SPTBN1: variants seen among roughly 807,000 people sequenced by gnomAD.
SPTBN1 encodes spectrin beta, non-erythrocytic 1.
In SPTBN1, 32 loss-of-function variants were observed where a neutral mutation model predicts 266.4. That is an observed-to-expected ratio of 0.12 (90% CI 0.09 to 0.16). The LOEUF is 0.16. SPTBN1 is among the 10% of genes least tolerant of loss of function. The pLI is 1.00. For synonymous variants in SPTBN1, 1,336 were observed against 1,162.2 expected (o/e 1.15, Z -3.04); for missense variants, 2,296 against 3,067.1 (o/e 0.75, Z 5.94).
At chr2:54,531,204 G>A (rs554930208) in intron 2 of SPTBN1, among the ~76,000 whole-genome samples, 60 of 152,310 alleles carry the variant, frequency 3.9e-4, no homozygotes, top group African/African-American at 1.4e-3. Flanking sequence ...GGGAACCCCT[G>A]AATTTACAGC....
intron 2 of SPTBN1, 39 bp downstream of exon 2, chr2:54,526,605 TA>T: frequency 6.3e-7 from 1 of 1,589,454 alleles, no homozygotes. Context: ...CCAGGATGCC[TA>T]AAATCAGGAT....
chr2:54,628,379 T>TA lies in SPTBN1; in HGVS notation c.1798+130dup. ...GTGGGTTTGTCATGGGAGCATGAAATACGGTGGAGTGGCCTTCTGAACACT... is the reference window on the plus strand; with the variant it reads ...GTGGGTTTGTCATGGGAGCATGAAATAACGGTGGAGTGGCCTTCTGAACACT... On this transcript the variant is annotated intron_variant, in intron 13 of 35. Transcript: ENST00000356805. The surrounding 1 kb of genome is among the most constrained non-coding windows in gnomAD (Gnocchi z 4.3). The TA allele has an allele frequency of 5.9e-6, 7 of 1,181,674 alleles. No homozygotes were observed. The highest frequency in any genetic ancestry group is 7.9e-6 in the Non-Finnish European group (7 of 885,934). 73.2% of individuals were successfully genotyped at this position (1,181,674 alleles called of 1,614,324 possible). A position where few individuals can be genotyped will look rare whatever the true frequency, so the allele number is the denominator to read the frequency against.
At chr2:54,547,712 G>A (rs892667814) in intron 2 of SPTBN1, among the ~76,000 whole-genome samples, 1 of 151,900 alleles carries the variant, frequency 6.6e-6, no homozygotes, top group Non-Finnish European at 1.5e-5. Context: ...AATTAAAAGG[G>A]TAATGGTGAT....
intron 2 of SPTBN1, chr2:54,529,362 A>G (rs747877109): frequency 9.6e-6 from 6 of 626,760 alleles, no homozygotes; most frequent in Non-Finnish European, 1.8e-5. Context: ...CCGAAAGTGA[A>G]GAAGGAAGCT....
rs78683849 is a variant in SPTBN1 at position 54,647,036 on chromosome 2, C to T, written c.4867-95C>T. 2,143 of 1,577,996 alleles carry T rather than the reference C, an allele frequency of 1.4e-3. 10 individuals are homozygous for T. The Middle Eastern group carries it at 0.015, about 11-fold the overall frequency. On this transcript the variant is annotated intron_variant, in intron 23 of 35. Coordinates refer to ENST00000356805, the MANE Select transcript of SPTBN1 (RefSeq NM_003128.3). Reference sequence around the variant, plus strand: ...TCTGGAGTTTTTCTTTCTACTGATCCTTCCTCCTACCCTGCTGAGCAGCTG... The same window carrying T: ...TCTGGAGTTTTTCTTTCTACTGATCTTTCCTCCTACCCTGCTGAGCAGCTG...
intron 28 of SPTBN1, 152 bp from the exon 29 acceptor site, chr2:54,655,762 C>T: frequency 1.8e-6 from 1 of 565,994 alleles, no homozygotes; most frequent in Non-Finnish European, 3.1e-6. Context: ...TCTTTCCTCT[C>T]CCAGTCCTCA....
intron 2 of SPTBN1, among the ~76,000 whole-genome samples, chr2:54,588,704 T>A (rs1015946581): frequency 6.6e-5 from 10 of 152,192 alleles, no homozygotes; most frequent in Admixed American, 6.5e-4. Flanking sequence ...TCACCCTGAC[T>A]GCAGTTCCCA....
chr2:54,505,727 A>G (rs1669517927), intron 1 of SPTBN1, among the ~76,000 whole-genome samples: 1 of 152,138 alleles, frequency 6.6e-6, no homozygotes, highest in Non-Finnish European at 1.5e-5. Flanking sequence ...CTAACAGTGA[A>G]GCTTCCTTTA....
intron 2 of SPTBN1, among the ~76,000 whole-genome samples, chr2:54,561,637 T>C (rs1475409143): frequency 6.9e-6 from 1 of 145,128 alleles, no homozygotes; most frequent in Admixed American, 6.7e-5. Flanking sequence ...ATGAGTCTGG[T>C]CTATTTAGAT....
At chr2:54,638,076 G>A (rs1679273553) in intron 18 of SPTBN1, among the ~76,000 whole-genome samples, 1 of 152,178 alleles carries the variant, frequency 6.6e-6, no homozygotes, top group Admixed American at 6.5e-5. Context: ...CTTTATGGTT[G>A]GTTGGCTATT....
At chr2:54,603,471 C>A (rs1361186849) in intron 3 of SPTBN1, among the ~76,000 whole-genome samples, 1 of 152,148 alleles carries the variant, frequency 6.6e-6, no homozygotes, top group Non-Finnish European at 1.5e-5. Flanking sequence ...AGTGACTTGC[C>A]AAGGCCAGTG....
intron 1 of SPTBN1, among the ~76,000 whole-genome samples, chr2:54,485,881 CGA>C (rs1291235678): frequency 6.7e-6 from 1 of 150,166 alleles, no homozygotes; most frequent in Admixed American, 6.6e-5. Context: ...TGCCCGGCCG[CGA>C]CCCGTCTGGG....
At position 54,670,856 on chromosome 2, in the gene SPTBN1, C is replaced by T. The variant is rs149206304; in HGVS notation, c.*2287C>T. 976 of 398,344 alleles carry T rather than the reference C, an allele frequency of 2.5e-3. 4 individuals carry two copies. The highest frequency in any genetic ancestry group is 3.6e-3 in the Non-Finnish European group (809 of 226,046). The allele number at this position is 398,344 out of a possible 1,614,324, so 24.7% of individuals were successfully genotyped here. On this transcript the variant is annotated 3_prime_UTR_variant, in exon 36 of 36. Coordinates refer to ENST00000356805, the MANE Select transcript of SPTBN1 (RefSeq NM_003128.3). ...GGAAGATGATGGGCAGCGAGAGGAG[C>T]GTCAGAAGACCCCAGTCAAGACGTG... is the stretch of plus-strand genomic sequence containing the variant.
At chr2:54,492,728 G>A (rs1171061726) in intron 1 of SPTBN1, among the ~76,000 whole-genome samples, 1 of 152,192 alleles carries the variant, frequency 6.6e-6, no homozygotes, top group African/African-American at 2.4e-5. Context: ...CCCCCAGCCT[G>A]ATGTAGAAAT....
chr2:54,580,996 G>A (rs1674857579), intron 2 of SPTBN1, among the ~76,000 whole-genome samples: 2 of 151,950 alleles, frequency 1.3e-5, no homozygotes, highest in Non-Finnish European at 2.9e-5. Flanking sequence ...TACTTGGGTG[G>A]CTGAGGCACG....
At position 54,664,406 on chromosome 2, in the gene SPTBN1, C is replaced by G. The variant is rs751236893; in HGVS notation, c.6421-47C>G. On this transcript the variant is annotated intron_variant, in intron 32 of 35. Coordinates refer to ENST00000356805, the MANE Select transcript of SPTBN1 (RefSeq NM_003128.3). The surrounding 1 kb of genome is among the most constrained non-coding windows in gnomAD (Gnocchi z 5.6). ...AGTCAGGTAGAGCGTATGTGGTCAC[C>G]CCCATGGCTCACGGAGTTAGCTGAA... The G allele has an allele frequency of 6.3e-7, 1 of 1,576,984 alleles. No individual in the cohort carries two copies. Among genetic ancestry groups the G allele is most frequent in the Admixed American group, 1.7e-5 (1 of 58,854 alleles).
At chr2:54,596,537 A>G (rs908565629) in intron 2 of SPTBN1, among the ~76,000 whole-genome samples, 2 of 151,974 alleles carry the variant, frequency 1.3e-5, no homozygotes, top group Non-Finnish European at 2.9e-5. Flanking sequence ...GTCTTTTCCA[A>G]CGTGGGGGTG....
intron 2 of SPTBN1, among the ~76,000 whole-genome samples, chr2:54,584,956 T>C (rs903549108): frequency 6.6e-6 from 1 of 152,012 alleles, no homozygotes; most frequent in African/African-American, 2.4e-5. Context: ...GGTGGGAGGC[T>C]TGCAAGTGGA....
At chr2:54,609,538 G>A (rs756875392) in intron 3 of SPTBN1, among the ~76,000 whole-genome samples, 4 of 152,084 alleles carry the variant, frequency 2.6e-5, no homozygotes, top group Non-Finnish European at 4.4e-5. Flanking sequence ...TCTCTCTGTT[G>A]GGGATTCTAT....
Sources: allele counts gnomAD v4.1 joint callset (sites outside exome capture counted in the v4.1 genomes callset), GRCh38; gene constraint gnomAD v4.1.1; non-coding constraint Gnocchi (gnomAD v3.1); transcripts MANE v1.5; gene names NCBI Gene and HGNC (gene_info 2026-07-23, HGNC 2026-07-21).